Variants in GGA3 observed in about 807,000 individuals in gnomAD.
The protein encoded by GGA3 is ADP-ribosylation factor-binding protein GGA3.
GGA3 carries 57 observed loss-of-function variants against 77.5 expected under a neutral mutation model. The ratio of observed to expected loss-of-function variants is 0.74; its 90% CI spans 0.59 to 0.92. The LOEUF (loss-of-function observed/expected upper bound fraction) is 0.92. Ranked by LOEUF, GGA3 falls within the 40% of genes least tolerant of loss-of-function variation. The pLI is 0.00. For synonymous variants in GGA3, 416 were observed against 383.7 expected (o/e 1.08, Z -0.98); for missense variants, 970 against 914.9 (o/e 1.06, Z -0.78).
chr17:75,237,762 T>C lies in GGA3; in HGVS notation c.*517A>G. 7.0e-7 allele frequency: 1 copy of C among 1,430,100 alleles called. No individual in the cohort carries two copies. The highest frequency in any genetic ancestry group is 9.1e-7 in the Non-Finnish European group (1 of 1,096,722). 88.6% of individuals were successfully genotyped at this position (1,430,100 alleles called of 1,614,324 possible). A position where few individuals can be genotyped will look rare whatever the true frequency, so the allele number is the denominator to read the frequency against. On this transcript the variant is annotated 3_prime_UTR_variant, in exon 17 of 17. Coordinates refer to ENST00000537686, the MANE Select transcript of GGA3 (RefSeq NM_138619.4). ...AGTTCCTTATTCTGGGCCAGGCACC[T>C]TCCTGGGCCACCTCCCTGGGGATGG...
intron 1 of GGA3, among the ~76,000 whole-genome samples, chr17:75,253,122 T>G (rs2077028299): frequency 6.6e-6 from 1 of 152,164 alleles, no homozygotes; most frequent in South Asian, 2.1e-4. Context: ...TGTTCTTTGC[T>G]CCGTGAAAAA....
Position 75,237,547 on chromosome 17 carries a change from A to G in GGA3, c.*732T>C, listed in dbSNP as rs907084265. 28 of 1,535,850 alleles carry G rather than the reference A, an allele frequency of 1.8e-5. No homozygotes were observed. Among genetic ancestry groups the G allele is most frequent in the Non-Finnish European group, 2.3e-5 (26 of 1,146,812 alleles). ...AGTACCTGCTTCTGGAGAAGGGGAAATACTGGCTCTCTTCATTTTCCTTCC... is the reference window on the plus strand; with the variant it reads ...AGTACCTGCTTCTGGAGAAGGGGAAGTACTGGCTCTCTTCATTTTCCTTCC... On this transcript the variant is annotated 3_prime_UTR_variant, in exon 17 of 17. Transcript: ENST00000537686.
intron 11 of GGA3, 70 bp downstream of exon 11, chr17:75,240,739 GCTC>G (rs1162198244): frequency 3.4e-6 from 5 of 1,490,628 alleles, no homozygotes; most frequent in Non-Finnish European, 4.5e-6. Context: ...CCCGCTCAGG[GCTC>G]CTAATTCCAC....
chr17:75,242,580 T>C, intron 7 of GGA3, 107 bp from the exon 8 acceptor site: 1 of 1,361,256 alleles, frequency 7.3e-7, no homozygotes, highest in Non-Finnish European at 1.0e-6. Context: ...GCTCGGAAGC[T>C]CCTTTCAGTG....
intron 1 of GGA3, among the ~76,000 whole-genome samples, chr17:75,257,333 A>G (rs2077192089): frequency 7.3e-6 from 1 of 137,472 alleles, no homozygotes; most frequent in African/African-American, 2.6e-5. Flanking sequence ...GTCTAGTCAT[A>G]CTCCTATTCA....
At chr17:75,243,340 G>A (rs1354170332) in intron 5 of GGA3, 107 bp downstream of exon 5, 7 of 1,415,504 alleles carry the variant, frequency 4.9e-6, no homozygotes, top group Admixed American at 1.8e-5. Flanking sequence ...GGGGACAAAT[G>A]CTGTTCTCTT....
At position 75,239,843 on chromosome 17, in the gene GGA3, T is replaced by C. The variant is rs777282614; in HGVS notation, c.1529A>G (p.Asn510Ser). The C allele has an allele frequency of 1.2e-6, 2 of 1,613,960 alleles. No individual in the cohort carries two copies. The highest frequency in any genetic ancestry group is 8.5e-7 in the Non-Finnish European group (1 of 1,180,028). The change falls in exon 13 of 17, where the codon AAC (asparagine) becomes AGC (serine). Residue 510 changes from asparagine to serine, a missense_variant. Physicochemically the swap from Asn to Ser is conservative, Grantham distance 46. Coordinates refer to ENST00000537686, the MANE Select transcript of GGA3 (RefSeq NM_138619.4). ...VPGHHGLALG[N>S]SALHHLDALD... ...GGCATCCAGGTGGTGCAGCGCGCTGTTGCCCAACGCCAAGCCATGGTGCCC... is the reference window on the plus strand; with the variant it reads ...GGCATCCAGGTGGTGCAGCGCGCTGCTGCCCAACGCCAAGCCATGGTGCCC...
At chr17:75,244,469 G>C in intron 4 of GGA3, 150 bp downstream of exon 4, 1 of 663,922 alleles carries the variant, frequency 1.5e-6, no homozygotes, top group Non-Finnish European at 2.7e-6. Context: ...TGGTCATCCC[G>C]TTACCTCCAG....
chr17:75,255,515 T>C (rs530879679), intron 1 of GGA3, among the ~76,000 whole-genome samples: 9 of 152,202 alleles, frequency 5.9e-5, no homozygotes, highest in African/African-American at 1.9e-4. Flanking sequence ...ATGCACCCCT[T>C]ACCATCTCAT....
chr17:75,261,624 G>A, upstream of GGA3: 1 of 1,519,782 alleles, frequency 6.6e-7, no homozygotes, highest in Non-Finnish European at 8.8e-7. Flanking sequence ...CAAAACTCGC[G>A]AGAGTCTGCA....
At chr17:75,250,037 C>T (rs897158766) in intron 1 of GGA3, among the ~76,000 whole-genome samples, 2 of 152,230 alleles carry the variant, frequency 1.3e-5, no homozygotes, top group African/African-American at 4.8e-5. Flanking sequence ...CCATGTCTAT[C>T]TCCTCCAGCT....
rs201931442 is a variant in GGA3 at position 75,244,676 on chromosome 17, A to G, written c.243T>C (p.His81=). The G allele has an allele frequency of 1.7e-5, 28 of 1,614,034 alleles. No individual in the cohort carries two copies. The Middle Eastern group carries it at 4.9e-4, about 29-fold the overall frequency. The change falls in exon 4 of 17, where the codon CAT becomes CAC. Residue 81 remains histidine (H), a synonymous_variant. Coordinates refer to ENST00000537686, the MANE Select transcript of GGA3 (RefSeq NM_138619.4). ...ACMKNCGRRF[H]NEVGKFRFLN... ...AAAAGCGGAACTTCCCCACTTCGTT[A>G]TGAAATCTCCTCCCACAGTTCTTCA... is the stretch of plus-strand genomic sequence containing the variant.
At chr17:75,257,315 T>G (rs2077191452) in intron 1 of GGA3, among the ~76,000 whole-genome samples, 1 of 138,438 alleles carries the variant, frequency 7.2e-6, no homozygotes, top group Non-Finnish European at 1.6e-5. Context: ...TCATCCCTAC[T>G]ATCTTCTGTC....
At chr17:75,252,732 C>A (rs190257095) in intron 1 of GGA3, among the ~76,000 whole-genome samples, 76 of 152,310 alleles carry the variant, frequency 5.0e-4, no homozygotes, top group Admixed American at 2.0e-3. Flanking sequence ...AATAGCCTTA[C>A]CTGATGACAT....
At chr17:75,249,212 CT>C (rs1427747238) in intron 1 of GGA3, among the ~76,000 whole-genome samples, 3 of 150,774 alleles carry the variant, frequency 2.0e-5, no homozygotes, top group African/African-American at 7.5e-5. Context: ...TGCCTGGCTA[CT>C]TTTTGTATTT....
intron 1 of GGA3, among the ~76,000 whole-genome samples, chr17:75,256,297 A>G (rs2077149464): frequency 6.6e-6 from 1 of 151,908 alleles, no homozygotes; most frequent in South Asian, 2.1e-4. Context: ...CATTTCTCAT[A>G]ACTTCCAATA....
At chr17:75,258,004 C>T (rs2077215242) in intron 1 of GGA3, among the ~76,000 whole-genome samples, 2 of 152,126 alleles carry the variant, frequency 1.3e-5, no homozygotes, top group Non-Finnish European at 2.9e-5. Flanking sequence ...TCTGCCCCAC[C>T]CTAACTGATC....
upstream of GGA3, chr17:75,261,727 G>A (rs1347167822): frequency 5.3e-6 from 6 of 1,141,036 alleles, no homozygotes; most frequent in East Asian, 2.6e-5. Context: ...TACAGGGAGG[G>A]CAAGGGTTTC....
chr17:75,248,926 C>T (rs2076864015), intron 1 of GGA3: 1 of 985,124 alleles, frequency 1.0e-6, no homozygotes, highest in Non-Finnish European at 1.2e-6. Context: ...AGCTGCCAGG[C>T]AGAGGGAAGG....
Sources: gnomAD v4.1 joint callset for allele counts (sites outside exome capture counted in the v4.1 genomes callset) on GRCh38, gnomAD v4.1.1 for gene constraint, MANE v1.5 for transcripts, NCBI Gene and HGNC (gene_info 2026-07-23, HGNC 2026-07-21) for gene names.